The following CSMD3 variants were observed in gnomAD, a reference collection of about 807,000 sequenced individuals.
The protein encoded by CSMD3 is CUB and Sushi multiple domains 3.
CSMD3 carries 177 observed loss-of-function variants against 435.2 expected under a neutral mutation model. The observed-to-expected ratio is 0.41, with a 90% CI of 0.36 to 0.46. The LOEUF is 0.46. Ranked by LOEUF, CSMD3 falls within the 20% of genes least tolerant of loss-of-function variation. The pLI is 0.34. For synonymous variants in CSMD3, 1,656 were observed against 1,520.5 expected (o/e 1.09, Z -2.07); for missense variants, 4,265 against 4,504.6 (o/e 0.95, Z 1.52).
At chr8:112,242,159 C>T (rs1393988569) in intron 65 of CSMD3, among the ~76,000 whole-genome samples, 1 of 152,014 alleles carries the variant, frequency 6.6e-6, no homozygotes, top group Non-Finnish European at 1.5e-5. Context: ...AAAGCAAAAA[C>T]TATTTGGGTA....
At chr8:112,473,060 T>A (rs899896779) in intron 31 of CSMD3, among the ~76,000 whole-genome samples, 12 of 152,344 alleles carry the variant, frequency 7.9e-5, no homozygotes, top group African/African-American at 2.9e-4. Flanking sequence ...ATTGTTTTAC[T>A]TGCTGGCAGG....
intron 6 of CSMD3, among the ~76,000 whole-genome samples, chr8:112,995,015 T>G (rs997780368): frequency 3.8e-4 from 58 of 151,564 alleles, no homozygotes; most frequent in African/African-American, 1.3e-3. Flanking sequence ...CTTTACAGAG[T>G]GTACTCATTC....
At chr8:113,114,317 G>A (rs2090757838) in intron 4 of CSMD3, among the ~76,000 whole-genome samples, 1 of 152,068 alleles carries the variant, frequency 6.6e-6, no homozygotes, top group Non-Finnish European at 1.5e-5. Context: ...GAAATAAATG[G>A]CAGAAAAATG....
intron 5 of CSMD3, among the ~76,000 whole-genome samples, chr8:113,035,572 T>C (rs897855794): frequency 3.9e-5 from 6 of 152,038 alleles, no homozygotes; most frequent in Non-Finnish European, 7.4e-5. Context: ...ATTGCAGCTA[T>C]ATGATTGTAT....
intron 4 of CSMD3, among the ~76,000 whole-genome samples, chr8:113,148,694 TTAAACACCTGTAAAACAAAACCTG>T (rs1383204106): frequency 2.7e-4 from 41 of 151,818 alleles, no homozygotes; most frequent in African/African-American, 9.9e-4. Context: ...GAGTACATAT[TTAAACACCTGTAAAACAAAACCTG>T]TAAACACCTG....
intron 4 of CSMD3, among the ~76,000 whole-genome samples, chr8:113,125,102 G>A (rs2091088806): frequency 6.6e-6 from 1 of 151,864 alleles, no homozygotes; most frequent in African/African-American, 2.4e-5. Context: ...CTTTCTGCTA[G>A]ATAAAGTTCT....
intron 9 of CSMD3, among the ~76,000 whole-genome samples, chr8:112,937,200 T>C (rs2083305629): frequency 6.6e-6 from 1 of 152,160 alleles, no homozygotes; most frequent in Admixed American, 6.6e-5. Flanking sequence ...CTAGTCCTAT[T>C]CTTTCTTCTA....
chr8:112,496,855 AT>A (rs1821403223), intron 30 of CSMD3, among the ~76,000 whole-genome samples: 1 of 152,042 alleles, frequency 6.6e-6, no homozygotes, highest in Non-Finnish European at 1.5e-5. Flanking sequence ...CAAAAAAATA[AT>A]TAAAAAGAAT....
intron 27 of CSMD3, among the ~76,000 whole-genome samples, chr8:112,525,771 T>TA (rs1386629577): frequency 5.0e-4 from 71 of 141,146 alleles, no homozygotes; most frequent in Non-Finnish European, 7.8e-4. Flanking sequence ...TATATATATA[T>TA]TTATATGTGT....
intron 16 of CSMD3, among the ~76,000 whole-genome samples, chr8:112,681,730 G>A (rs1485025541): frequency 1.3e-5 from 2 of 152,012 alleles, no homozygotes; most frequent in Non-Finnish European, 2.9e-5. Flanking sequence ...AGCTGGGCAC[G>A]GAGGCATGCA....
At position 112,236,065 on chromosome 8, in the gene CSMD3, A is replaced by T. The variant is rs1813567119; in HGVS notation, c.10627+1125T>A. ...ATATAAGGTAATTATATGTATTTTT[A>T]AAATTATACTACATATTAACTTCTA... is the stretch of plus-strand genomic sequence containing the variant. On this transcript the variant is annotated intron_variant, in intron 67 of 70. Coordinates refer to ENST00000297405, the MANE Select transcript of CSMD3 (RefSeq NM_198123.2). 2.0e-5 allele frequency among the ~76,000 whole-genome samples: 3 copies of T among 152,142 alleles called. No homozygotes were observed. In the South Asian group the frequency reaches 6.2e-4, roughly 32 times the overall value.
At chr8:112,980,350 T>C (rs1532797) in intron 6 of CSMD3, among the ~76,000 whole-genome samples, 83,015 of 150,844 alleles carry the variant, frequency 0.55, 24,081 homozygotes, top group East Asian at 0.95. Flanking sequence ...TAGCACATTA[T>C]GTTACATAAA....
intron 1 of CSMD3, chr8:113,377,340 A>G (rs767059528): frequency 2.7e-4 from 50 of 186,004 alleles, no homozygotes; most frequent in Non-Finnish European, 3.2e-4. Flanking sequence ...AAAATACAGA[A>G]AAGAATAAAT....
intron 13 of CSMD3, among the ~76,000 whole-genome samples, chr8:112,736,660 A>G (rs2077191537): frequency 6.6e-6 from 1 of 152,016 alleles, no homozygotes; most frequent in African/African-American, 2.4e-5. Flanking sequence ...AGTTAAATCT[A>G]TAATATTGTA....
At chr8:113,268,856 T>C (rs562412174) in intron 3 of CSMD3, among the ~76,000 whole-genome samples, 2 of 152,140 alleles carry the variant, frequency 1.3e-5, no homozygotes, top group South Asian at 4.1e-4. Context: ...ACCCATTCCT[T>C]TGGATATAAT....
intron 1 of CSMD3, among the ~76,000 whole-genome samples, chr8:113,388,837 T>G (rs893410076): frequency 6.6e-6 from 1 of 151,592 alleles, no homozygotes; most frequent in Non-Finnish European, 1.5e-5. Context: ...AAACAGATAT[T>G]AGCTACTGAG....
intron 4 of CSMD3, among the ~76,000 whole-genome samples, chr8:113,107,098 A>G (rs943074602): frequency 7.2e-5 from 11 of 152,140 alleles, no homozygotes; most frequent in Non-Finnish European, 4.4e-5. Flanking sequence ...AGATTTGCCT[A>G]TTCTGAACAT....
chr8:112,234,512 T>G (rs1813390738), intron 67 of CSMD3, 35 bp from the exon 68 acceptor site: 1 of 1,106,948 alleles, frequency 9.0e-7, no homozygotes, highest in African/African-American at 1.5e-5. Flanking sequence ...TCTACTTAAC[T>G]TTGTAAATAG....
chr8:112,810,320 C>T (rs1386302747), intron 12 of CSMD3, among the ~76,000 whole-genome samples: 2 of 151,970 alleles, frequency 1.3e-5, no homozygotes, highest in East Asian at 1.9e-4. Context: ...CATACAGGCA[C>T]ACACAATTTT....
Sources: allele counts gnomAD v4.1 joint callset (sites outside exome capture counted in the v4.1 genomes callset), GRCh38; gene constraint gnomAD v4.1.1; transcripts MANE v1.5; gene names NCBI Gene and HGNC (gene_info 2026-07-23, HGNC 2026-07-21).